SVIL: variants seen among roughly 807,000 people sequenced by gnomAD.
SVIL encodes the protein archvillin.
A neutral mutation model predicts 240.4 loss-of-function variants in SVIL; 101 were observed. The observed-to-expected ratio is 0.42, with a 90% CI of 0.36 to 0.50. The LOEUF (loss-of-function observed/expected upper bound fraction) is 0.50, where lower values mean the gene tolerates loss of function less well. SVIL is among the 20% of genes least tolerant of loss of function. The probability of loss-of-function intolerance (pLI) is 0.01; values close to 1 mark genes in which losing one functional copy is unlikely to be tolerated. For synonymous variants in SVIL, 999 were observed against 1,100.0 expected, an observed-to-expected ratio of 0.91 and a Z score of 1.82; for missense variants, 2,512 against 2,818.7, an observed-to-expected ratio of 0.89 and a Z score of 2.46.
At chr10:29,516,427 TC>T (rs1289314423) in intron 16 of SVIL, among the ~76,000 whole-genome samples, 21 of 152,196 alleles carry the variant, frequency 1.4e-4, no homozygotes, top group African/African-American at 5.1e-4. Context: ...CCTTTAGATT[TC>T]CTCATTGGTG....
At chr10:29,736,203 G>A (rs564262119), upstream of SVIL, among the ~76,000 whole-genome samples, 8 of 152,288 alleles carry the variant, frequency 5.3e-5, 1 homozygote, top group South Asian at 1.7e-3. Context: ...CCCCCTCCAC[G>A]GCCAGCGGGT....
intron 6 of SVIL, among the ~76,000 whole-genome samples, chr10:29,546,465 AT>A (rs1304881680): frequency 1.3e-5 from 2 of 152,212 alleles, no homozygotes; most frequent in Non-Finnish European, 1.5e-5. Flanking sequence ...TCAATTAACT[AT>A]TTTTTAAAAA....
At chr10:29,655,874 G>GTTT (rs3030622) in intron 3 of SVIL, among the ~76,000 whole-genome samples, 13,678 of 136,010 alleles carry the variant, frequency 0.1, 737 homozygotes, top group South Asian at 0.19. Context: ...GTATGTGTGG[G>GTTT]TTTTTTTTTT....
At chr10:29,556,637 C>G (rs1175869122) in intron 3 of SVIL, among the ~76,000 whole-genome samples, 1 of 152,156 alleles carries the variant, frequency 6.6e-6, no homozygotes, top group Non-Finnish European at 1.5e-5. Flanking sequence ...AGTTGGCCTC[C>G]CCAGGAATCA....
intron 34 of SVIL, among the ~76,000 whole-genome samples, chr10:29,465,283 T>G (rs1405727665): frequency 6.6e-6 from 1 of 152,136 alleles, no homozygotes; most frequent in African/African-American, 2.4e-5. Context: ...GCAACAAGAC[T>G]GAGAGGAAGG....
intron 33 of SVIL, 95 bp downstream of exon 33, chr10:29,467,647 C>G: frequency 3.3e-6 from 5 of 1,508,320 alleles, no homozygotes; most frequent in Non-Finnish European, 3.6e-6. Context: ...GAGCTGTGAT[C>G]ATACCACTAT....
chr10:29,507,887 G>A, intron 17 of SVIL: 1 of 523,234 alleles, frequency 1.9e-6, no homozygotes, highest in Non-Finnish European at 2.5e-6. Context: ...AGGGACATGG[G>A]GGAGGGAGAG....
intron 1 of SVIL, among the ~76,000 whole-genome samples, chr10:29,631,285 C>A (rs1354686462): frequency 6.6e-6 from 1 of 152,230 alleles, no homozygotes; most frequent in Non-Finnish European, 1.5e-5. Context: ...TGTGGCTAGA[C>A]CAGACGGAGG....
At chr10:29,569,600 A>G (rs940881422) in intron 1 of SVIL, among the ~76,000 whole-genome samples, 2 of 152,234 alleles carry the variant, frequency 1.3e-5, no homozygotes, top group Admixed American at 6.5e-5. Context: ...ACACAGTTCA[A>G]TGTTACCATT....
At chr10:29,521,821 T>C (rs1950578854) in intron 16 of SVIL, among the ~76,000 whole-genome samples, 1 of 152,218 alleles carries the variant, frequency 6.6e-6, no homozygotes, top group South Asian at 2.1e-4. Flanking sequence ...ATTAGGCTAC[T>C]GTGTTATTTG....
chr10:29,715,918 G>A (rs142048441), intron 1 of SVIL, among the ~76,000 whole-genome samples: 205 of 152,238 alleles, frequency 1.3e-3, no homozygotes, highest in Non-Finnish European at 2.4e-3. Flanking sequence ...GTGCAACTGA[G>A]GAACTGAATG....
At chr10:29,552,943 T>G (rs1027898762) in intron 5 of SVIL, among the ~76,000 whole-genome samples, 4 of 152,156 alleles carry the variant, frequency 2.6e-5, no homozygotes, top group Admixed American at 1.3e-4. Context: ...TATTTCTGGC[T>G]ATAAATTTTG....
chr10:29,638,412 G>A (rs1271299743), upstream of SVIL, among the ~76,000 whole-genome samples: 2 of 151,944 alleles, frequency 1.3e-5, no homozygotes, highest in African/African-American at 2.4e-5. Context: ...GTTGCAGTGA[G>A]CTGAGATCAT....
chr10:29,683,585 T>A (rs778103763), intron 2 of SVIL, among the ~76,000 whole-genome samples: 4 of 152,180 alleles, frequency 2.6e-5, no homozygotes, highest in Non-Finnish European at 5.9e-5. Context: ...CTGAGGGGCT[T>A]AGAATTTTAT....
intron 33 of SVIL, among the ~76,000 whole-genome samples, chr10:29,466,110 A>G (rs978470307): frequency 6.6e-6 from 1 of 152,136 alleles, no homozygotes; most frequent in African/African-American, 2.4e-5. Flanking sequence ...ACACAAATAG[A>G]ACACTCACCA....
chr10:29,673,402 T>C (rs1022934785), intron 2 of SVIL, among the ~76,000 whole-genome samples: 1 of 152,166 alleles, frequency 6.6e-6, no homozygotes, highest in South Asian at 2.1e-4. Flanking sequence ...TAACTTGCTA[T>C]GTATTTGTAT....
intron 27 of SVIL, chr10:29,483,757 A>C (rs1418603753): frequency 6.6e-6 from 1 of 152,242 alleles, no homozygotes; most frequent in African/African-American, 2.4e-5. Flanking sequence ...AAGGACTTTA[A>C]AACTTATCAC....
intron 2 of SVIL, among the ~76,000 whole-genome samples, chr10:29,681,970 G>T (rs1358601467): frequency 2.0e-5 from 3 of 152,164 alleles, no homozygotes; most frequent in Admixed American, 6.5e-5. Context: ...CTGTCTTGAA[G>T]GGAAGGCTCT....
intron 3 of SVIL, among the ~76,000 whole-genome samples, chr10:29,640,962 C>G (rs971008872): frequency 3.3e-5 from 5 of 152,236 alleles, no homozygotes; most frequent in Non-Finnish European, 5.9e-5. Flanking sequence ...CTGGCAGGTG[C>G]TGCCTCCAAC....
Sources: allele counts gnomAD v4.1 joint callset (sites outside exome capture counted in the v4.1 genomes callset), GRCh38; gene constraint gnomAD v4.1.1; transcripts MANE v1.5; gene names NCBI Gene and HGNC (gene_info 2026-07-23, HGNC 2026-07-21).